SDHB: variants seen among roughly 807,000 people sequenced by gnomAD.
SDHB encodes the protein succinate dehydrogenase complex iron sulfur subunit B, also known as succinate dehydrogenase [ubiquinone] iron-sulfur subunit, mitochondrial.
A neutral mutation model predicts 39.7 loss-of-function variants in SDHB; 21 were observed. The ratio of observed to expected loss-of-function variants is 0.53; its 90% CI spans 0.37 to 0.76. The LOEUF is 0.76. Among genes scored for constraint, SDHB ranks in the 30% least tolerant of loss-of-function variants. The probability of loss-of-function intolerance (pLI) is 0.00; values close to 1 mark genes in which losing one functional copy is unlikely to be tolerated. For missense variants in SDHB, 343 were observed against 350.9 expected, an observed-to-expected ratio of 0.98 and a Z score of 0.18; for synonymous variants, 118 against 117.0, an observed-to-expected ratio of 1.01 and a Z score of -0.06.
At chr1:17,048,749 C>G (rs1001293246) in intron 1 of SDHB, among the ~76,000 whole-genome samples, 1 of 152,014 alleles carries the variant, frequency 6.6e-6, no homozygotes, top group African/African-American at 2.4e-5. Flanking sequence ...TCACTCTTGT[C>G]CCCCAGGCTG....
At chr1:17,035,737 G>A (rs138137451) in intron 2 of SDHB, among the ~76,000 whole-genome samples, 1 of 152,178 alleles carries the variant, frequency 6.6e-6, no homozygotes, top group East Asian at 1.9e-4. Context: ...GCACGTGCCT[G>A]TAGTCCCAAT....
In SDHB at chr1:17,024,093, G is replaced by C. The variant is rs781716730; in HGVS notation, c.541-19C>G. On this transcript the variant is annotated intron_variant, in intron 5 of 7. Coordinates refer to ENST00000375499, the MANE Select transcript of SDHB (RefSeq NM_003000.3). ...GCCCGTCCTGTATGGGGAGAAAAGAGAGGCAGGAGCTTGTGACGGGAGAGA... is the reference window on the plus strand; with the variant it reads ...GCCCGTCCTGTATGGGGAGAAAAGACAGGCAGGAGCTTGTGACGGGAGAGA... The C allele has an allele frequency of 1.9e-6, 3 of 1,570,736 alleles. No individual in the cohort carries two copies. The highest frequency in any genetic ancestry group is 2.2e-5 in the South Asian group (2 of 90,240).
chr1:17,022,763 A>G, intron 6 of SDHB, 33 bp from the exon 7 acceptor site: 4 of 1,606,882 alleles, frequency 2.5e-6, no homozygotes, highest in Non-Finnish European at 3.4e-6. Flanking sequence ...CTGAGCTGCC[A>G]ATCAACAGGC....
chr1:17,052,865 A>C (rs1379246880), intron 1 of SDHB, among the ~76,000 whole-genome samples: 2 of 152,192 alleles, frequency 1.3e-5, no homozygotes, highest in Admixed American at 6.5e-5. Flanking sequence ...CTTGGACACC[A>C]ACCATGTCCC....
At chr1:17,024,111 G>A (rs200773423) in intron 5 of SDHB, 37 bp from the exon 6 acceptor site, 46 of 1,419,706 alleles carry the variant, frequency 3.2e-5, no homozygotes, top group Middle Eastern at 3.5e-4. Flanking sequence ...AGCTTGTGAC[G>A]GGAGAGACTC....
chr1:17,022,049 T>G (rs2746474), intron 7 of SDHB, among the ~76,000 whole-genome samples: 38,210 of 151,998 alleles, frequency 0.25, 6,294 homozygotes, highest in African/African-American at 0.47. Flanking sequence ...TGCTGAGAAG[T>G]GCTGGGAGGC....
chr1:17,022,292 A>G (rs1372911850), intron 7 of SDHB, among the ~76,000 whole-genome samples: 15 of 152,304 alleles, frequency 9.8e-5, no homozygotes, highest in Non-Finnish European at 2.9e-5. Flanking sequence ...CCACGTTCCA[A>G]CGGCTTTCGC....
chr1:17,053,912 T>G (rs1406533250), intron 1 of SDHB, 36 bp downstream of exon 1: 4 of 1,542,176 alleles, frequency 2.6e-6, no homozygotes, highest in African/African-American at 1.4e-5. Flanking sequence ...TCTGTGGCTT[T>G]CCTGACTTTT....
chr1:17,049,381 T>A (rs918201968), intron 1 of SDHB, among the ~76,000 whole-genome samples: 5 of 152,022 alleles, frequency 3.3e-5, no homozygotes, highest in African/African-American at 1.2e-4. Flanking sequence ...CGCTGCAACC[T>A]CCACCCCTCA....
intron 4 of SDHB, 64 bp downstream of exon 4, chr1:17,028,536 G>GT (rs768621919): frequency 1.2e-5 from 19 of 1,563,992 alleles, no homozygotes; most frequent in African/African-American, 8.1e-5. Context: ...AACTAATAGC[G>GT]TAACACACAT....
rs2078164524 is a variant in SDHB, at chr1:17,054,028, C to T, written c.-9G>A. ...GCGACCACCGCCGCCATCTTGGCTC[C>T]TGACGTCAGCCCCACCCCTTAACCC... On this transcript the variant is annotated 5_prime_UTR_variant, in exon 1 of 8. Coordinates refer to ENST00000375499, the MANE Select transcript of SDHB (RefSeq NM_003000.3). The T allele has an allele frequency of 6.2e-7, 1 of 1,605,266 alleles. No homozygotes were observed. Among genetic ancestry groups the T allele is most frequent in the Non-Finnish European group, 8.5e-7 (1 of 1,174,218 alleles).
chr1:17,041,350 C>A (rs1229249265), intron 2 of SDHB, among the ~76,000 whole-genome samples: 1 of 152,042 alleles, frequency 6.6e-6, no homozygotes, highest in Non-Finnish European at 1.5e-5. Context: ...AGCATAATTT[C>A]CTTTATCTAT....
chr1:17,026,611 C>T (rs554851230), intron 5 of SDHB, among the ~76,000 whole-genome samples: 2 of 152,198 alleles, frequency 1.3e-5, no homozygotes, highest in Admixed American at 1.3e-4. Context: ...GTGATCCGCC[C>T]ACCTCGGCCT....
intron 2 of SDHB, among the ~76,000 whole-genome samples, chr1:17,037,917 ACCTGAGGT>A (rs1317706403): frequency 6.6e-6 from 1 of 152,146 alleles, no homozygotes; most frequent in Non-Finnish European, 1.5e-5. Flanking sequence ...TGGGCAGATC[ACCTGAGGT>A]CAGGAGTTCG....
chr1:17,023,638 C>A (rs1044709644), intron 6 of SDHB, among the ~76,000 whole-genome samples: 2 of 152,198 alleles, frequency 1.3e-5, no homozygotes, highest in East Asian at 3.8e-4. Context: ...CCCCTGCTTG[C>A]TCGCTACAAG....
chr1:17,031,081 G>A (rs1273340208), intron 3 of SDHB, among the ~76,000 whole-genome samples: 1 of 151,060 alleles, frequency 6.6e-6, no homozygotes, highest in African/African-American at 2.4e-5. Flanking sequence ...GAGCCACTGC[G>A]CCCAGTCGGT....
chr1:17,033,833 C>T (rs1218642366), intron 2 of SDHB, among the ~76,000 whole-genome samples: 1 of 152,216 alleles, frequency 6.6e-6, no homozygotes, highest in African/African-American at 2.4e-5. Flanking sequence ...AGTTAATACA[C>T]ACGAGATCTT....
At chr1:17,048,303 G>T (rs1343597143) in intron 1 of SDHB, among the ~76,000 whole-genome samples, 1 of 152,186 alleles carries the variant, frequency 6.6e-6, no homozygotes, top group African/African-American at 2.4e-5. Context: ...CATCCAAGTT[G>T]CTGTGTACAG....
In SDHB at chr1:17,022,655, G is replaced by C. The variant is rs1570944818; in HGVS notation, c.718C>G (p.Leu240Val). The change falls in exon 7 of 8, where the codon CTA becomes GTA. Residue 240 changes from leucine (L) to valine (V), a missense_variant. Coordinates refer to ENST00000375499, the MANE Select transcript of SDHB (RefSeq NM_003000.3). The stretch of plus-strand genomic sequence containing the variant: ...TTCATGATGGTGTGGCAGCGGTATA[G>C]AGAGAATGGGTCCTGCAGCTTGGCC... The part of the protein sequence containing the change: ...RLAKLQDPFS[L>V]YRCHTIMNCT... The C allele has an allele frequency of 6.2e-7, 1 of 1,613,968 alleles. No homozygotes were observed. The highest frequency in any genetic ancestry group is 1.3e-5 in the African/African-American group (1 of 74,912).
Sources: allele counts gnomAD v4.1 joint callset (sites outside exome capture counted in the v4.1 genomes callset), GRCh38; gene constraint gnomAD v4.1.1; transcripts MANE v1.5; gene names NCBI Gene and HGNC (gene_info 2026-07-23, HGNC 2026-07-21).